Variants in CPA6 observed in about 807,000 individuals in gnomAD.
CPA6 encodes carboxypeptidase B.
Under a neutral mutation model 63.3 loss-of-function variants are expected in CPA6, and 58 were observed. The ratio of observed to expected loss-of-function variants is 0.92; its 90% CI spans 0.74 to 1.14. CPA6 has a LOEUF of 1.14. CPA6 is among the 50% of genes most tolerant of loss of function. The pLI is 0.00. For synonymous variants in CPA6, 185 were observed against 179.0 expected (o/e 1.03, Z -0.27); for missense variants, 565 against 526.6 (o/e 1.07, Z -0.71).
intron 2 of CPA6, among the ~76,000 whole-genome samples, chr8:67,529,780 G>A (rs1310645119): frequency 6.6e-6 from 1 of 152,124 alleles, no homozygotes; most frequent in Non-Finnish European, 1.5e-5. Flanking sequence ...TAACTCAATA[G>A]TGTCACGGGG....
In CPA6 at chr8:67,430,182, G is replaced by GT. The variant is rs11330654; in HGVS notation, c.1042-2052dup. ...GTGTGTGTGTGTGTGTATATATTTT[G>GT]TTTTTTTTTTTTTTTAGACAGAGTT... On this transcript the variant is annotated intron_variant, in intron 9 of 10. Transcript: ENST00000297770. Among the ~76,000 whole-genome samples the GT allele has an allele frequency of 1.3e-3, 150 of 117,990 alleles. 1 individual carries two copies. The highest frequency in any genetic ancestry group is 2.9e-3 in the East Asian group (11 of 3,856). 77.4% of individuals were successfully genotyped at this position (117,990 alleles called of 152,430 possible).
At chr8:67,650,605 G>C (rs750814508) in intron 1 of CPA6, among the ~76,000 whole-genome samples, 13 of 152,162 alleles carry the variant, frequency 8.5e-5, no homozygotes, top group Non-Finnish European at 1.8e-4. Flanking sequence ...CCATGTGCTG[G>C]CTGGTTCATG....
intron 6 of CPA6, among the ~76,000 whole-genome samples, chr8:67,485,839 C>T: frequency 6.6e-6 from 1 of 152,194 alleles, no homozygotes; most frequent in Non-Finnish European, 1.5e-5. Flanking sequence ...TGCCAAAGAA[C>T]AAGTTTCCAT....
intron 2 of CPA6, among the ~76,000 whole-genome samples, chr8:67,584,151 C>T (rs1209061234): frequency 3.3e-5 from 5 of 152,072 alleles, no homozygotes; most frequent in African/African-American, 1.2e-4. Flanking sequence ...GTGCCAGACT[C>T]CGTCTCAAAA....
chr8:67,595,525 G>A (rs1814303485), intron 2 of CPA6, among the ~76,000 whole-genome samples: 1 of 152,200 alleles, frequency 6.6e-6, no homozygotes, highest in Non-Finnish European at 1.5e-5. Flanking sequence ...TTGAGCTGTG[G>A]TGGGCTCCAC....
intron 8 of CPA6, among the ~76,000 whole-genome samples, chr8:67,447,872 C>T (rs1460561163): frequency 1.3e-5 from 2 of 152,190 alleles, no homozygotes; most frequent in Non-Finnish European, 2.9e-5. Context: ...GCAACCACTA[C>T]CTCCCAGGTT....
At chr8:67,721,511 C>T (rs1262184402) in intron 1 of CPA6, among the ~76,000 whole-genome samples, 1 of 152,184 alleles carries the variant, frequency 6.6e-6, no homozygotes, top group African/African-American at 2.4e-5. Flanking sequence ...CCTTGTCACC[C>T]AGATGACTGA....
intron 10 of CPA6, among the ~76,000 whole-genome samples, chr8:67,426,278 AT>A (rs1393823314): frequency 6.6e-6 from 1 of 152,250 alleles, no homozygotes. Context: ...CAACAGCCTC[AT>A]TTCTATGGTA....
chr8:67,720,545 A>G (rs1242464366), intron 1 of CPA6, among the ~76,000 whole-genome samples: 1 of 152,114 alleles, frequency 6.6e-6, no homozygotes, highest in African/African-American at 2.4e-5. Context: ...ACTGTCACCT[A>G]AGCATCAGAA....
chr8:67,544,335 C>G (rs1467502497), intron 2 of CPA6, among the ~76,000 whole-genome samples: 2 of 152,190 alleles, frequency 1.3e-5, no homozygotes, highest in Non-Finnish European at 2.9e-5. Context: ...GGAAGGAACG[C>G]TTCCGTGGAT....
chr8:67,607,406 A>G (rs1202657646), intron 2 of CPA6, among the ~76,000 whole-genome samples: 1 of 151,822 alleles, frequency 6.6e-6, no homozygotes, highest in Non-Finnish European at 1.5e-5. Context: ...CCCTTAATCT[A>G]AGCTACTTTG....
intron 1 of CPA6, among the ~76,000 whole-genome samples, chr8:67,629,997 C>T (rs1037191338): frequency 2.6e-5 from 4 of 151,424 alleles, no homozygotes; most frequent in East Asian, 1.9e-4. Context: ...ACCAGCTACT[C>T]GGGAGGCTGA....
intron 2 of CPA6, among the ~76,000 whole-genome samples, chr8:67,591,640 T>C: frequency 6.6e-6 from 1 of 152,186 alleles, no homozygotes; most frequent in Non-Finnish European, 1.5e-5. Context: ...TTTATTCTCT[T>C]TGAAGCAATT....
intron 1 of CPA6, among the ~76,000 whole-genome samples, chr8:67,658,303 G>A (rs907802352): frequency 6.6e-5 from 10 of 152,184 alleles, no homozygotes; most frequent in African/African-American, 2.4e-4. Context: ...CTCCCTGGCT[G>A]CAGCACAAAC....
At chr8:67,438,175 C>T (rs2128953172) in intron 8 of CPA6, among the ~76,000 whole-genome samples, 1 of 152,262 alleles carries the variant, frequency 6.6e-6, no homozygotes, top group Admixed American at 6.5e-5. Context: ...GCCTTGGCCT[C>T]CGAAAGTGCT....
intron 2 of CPA6, among the ~76,000 whole-genome samples, chr8:67,588,501 G>A (rs1814009945): frequency 6.6e-6 from 1 of 152,152 alleles, no homozygotes; most frequent in Non-Finnish European, 1.5e-5. Flanking sequence ...AACAGAATAG[G>A]AGAGGGCAAT....
intron 1 of CPA6, among the ~76,000 whole-genome samples, chr8:67,710,962 G>A (rs2129000298): frequency 6.6e-6 from 1 of 152,268 alleles, no homozygotes; most frequent in South Asian, 2.1e-4. Context: ...ACAAAGTAAT[G>A]CTCTCCATAG....
At chr8:67,436,289 G>A (rs986073041) in intron 8 of CPA6, among the ~76,000 whole-genome samples, 27 of 151,986 alleles carry the variant, frequency 1.8e-4, no homozygotes, top group Admixed American at 7.2e-4. Context: ...TGGAGCCCAG[G>A]GTAGGGGTTT....
At chr8:67,650,415 G>T (rs1271841090) in intron 1 of CPA6, among the ~76,000 whole-genome samples, 3 of 152,170 alleles carry the variant, frequency 2.0e-5, no homozygotes, top group South Asian at 2.1e-4. Context: ...ATTTAAGCAG[G>T]CTTCCCTTAC....
Sources: gnomAD v4.1 joint callset for allele counts (sites outside exome capture counted in the v4.1 genomes callset) on GRCh38, gnomAD v4.1.1 for gene constraint, MANE v1.5 for transcripts, NCBI Gene and HGNC (gene_info 2026-07-23, HGNC 2026-07-21) for gene names.